The following SLCO6A1 variants were observed in gnomAD, a reference collection of about 807,000 sequenced individuals.
SLCO6A1 encodes solute carrier organic anion transporter family member 6A1.
Under a neutral mutation model 72.7 loss-of-function variants are expected in SLCO6A1, and 65 were observed. That is an observed-to-expected ratio of 0.89 (90% CI 0.73 to 1.10). The LOEUF (loss-of-function observed/expected upper bound fraction) is 1.10, where lower values mean the gene tolerates loss of function less well. SLCO6A1 is among the 50% of genes least tolerant of loss of function. The pLI, the probability that SLCO6A1 is intolerant of heterozygous loss-of-function variation, is 0.00. For missense variants in SLCO6A1, 874 were observed against 872.6 expected (o/e 1.00, Z -0.02); for synonymous variants, 314 against 298.2 (o/e 1.05, Z -0.55).
chr5:102,414,942 AATT>A (rs1748201452), intron 8 of SLCO6A1, among the ~76,000 whole-genome samples: 1 of 151,540 alleles, frequency 6.6e-6, no homozygotes, highest in Non-Finnish European at 1.5e-5. Context: ...TAAATAAATT[AATT>A]AATAAGGCAA....
Position 102,441,589 on chromosome 5 carries a change from T to G in SLCO6A1, c.1132-2828A>C, listed in dbSNP as rs1310249084. Among the ~76,000 whole-genome samples the G allele has an allele frequency of 3.3e-5, 5 of 152,100 alleles. No individual in the cohort carries two copies. In the East Asian group the frequency reaches 9.6e-4, roughly 29 times the overall value. On this transcript the variant is annotated intron_variant, in intron 6 of 13. Coordinates refer to ENST00000506729, the MANE Select transcript of SLCO6A1 (RefSeq NM_173488.5). ...TTCTCATTTTCTAAAAAAATAAAAT[T>G]TTTGCCATAGTATTGATTATACTTG... is the stretch of plus-strand genomic sequence containing the variant.
chr5:102,395,325 A>G (rs545236876), intron 10 of SLCO6A1, among the ~76,000 whole-genome samples: 2 of 152,220 alleles, frequency 1.3e-5, no homozygotes, highest in East Asian at 1.9e-4. Flanking sequence ...TTTGCTGAGA[A>G]TGATGGTTTC....
chr5:102,381,607 G>T (rs1034017243), intron 12 of SLCO6A1, among the ~76,000 whole-genome samples: 1 of 151,660 alleles, frequency 6.6e-6, no homozygotes. Flanking sequence ...TGAGATTGCT[G>T]GATCATGTGG....
At chr5:102,457,077 C>T (rs2112749298) in intron 6 of SLCO6A1, among the ~76,000 whole-genome samples, 1 of 152,204 alleles carries the variant, frequency 6.6e-6, no homozygotes, top group East Asian at 1.9e-4. Flanking sequence ...GGATCCCTTC[C>T]TTACACCTTA....
At position 102,437,075 on chromosome 5, in the gene SLCO6A1, C is replaced by T. The variant is rs184810253; in HGVS notation, c.1276+1542G>A. On this transcript the variant is annotated intron_variant, in intron 7 of 13. Transcript: ENST00000506729. Reference sequence around the variant, plus strand: ...GCTTCCTGGCAAGATTAGTGGTATGCTATTCATACACAGCCTTACTGAAGC... The same window carrying T: ...GCTTCCTGGCAAGATTAGTGGTATGTTATTCATACACAGCCTTACTGAAGC... Among the ~76,000 whole-genome samples the T allele has an allele frequency of 2.5e-3, 381 of 152,260 alleles. 3 individuals are homozygous for T. Among genetic ancestry groups the T allele is most frequent in the Non-Finnish European group, 3.5e-3 (238 of 68,006 alleles).
rs748142283 is a variant in SLCO6A1, at chr5:102,493,600, C to T, written c.358+4887G>A. On this transcript the variant is annotated intron_variant, in intron 1 of 13. Coordinates refer to ENST00000506729, the MANE Select transcript of SLCO6A1 (RefSeq NM_173488.5). ...ATCAGAAAAATATCAATGAACATTG[C>T]TTTTCCTAATTTCTATTGACCATTG... is the stretch of plus-strand genomic sequence containing the variant. Among the ~76,000 whole-genome samples the T allele has an allele frequency of 2.0e-4, 30 of 152,092 alleles. 1 individual carries two copies. Among genetic ancestry groups the T allele is most frequent in the Non-Finnish European group, 4.4e-5 (3 of 67,980 alleles).
intron 10 of SLCO6A1, among the ~76,000 whole-genome samples, chr5:102,394,869 G>GA (rs1459087153): frequency 1.3e-5 from 2 of 151,808 alleles, no homozygotes; most frequent in African/African-American, 2.4e-5. Context: ...ATAATTTTGG[G>GA]AAAAAATATA....
At chr5:102,397,002 C>T (rs748140313) in intron 10 of SLCO6A1, among the ~76,000 whole-genome samples, 36 of 152,276 alleles carry the variant, frequency 2.4e-4, no homozygotes, top group East Asian at 1.5e-3. Flanking sequence ...AGATTGCCTA[C>T]TCTCTTAATA....
intron 7 of SLCO6A1, among the ~76,000 whole-genome samples, chr5:102,428,241 A>G (rs1387543323): frequency 6.6e-6 from 1 of 152,080 alleles, no homozygotes; most frequent in Non-Finnish European, 1.5e-5. Flanking sequence ...AAAAAAAGAT[A>G]ATAAAAATAA....
At chr5:102,411,428 T>A (rs903392348) in intron 9 of SLCO6A1, among the ~76,000 whole-genome samples, 4 of 152,102 alleles carry the variant, frequency 2.6e-5, no homozygotes, top group Admixed American at 6.6e-5. Context: ...CCATGCACAG[T>A]TAATTTTTGT....
At chr5:102,394,464 G>A (rs1746950714) in intron 10 of SLCO6A1, among the ~76,000 whole-genome samples, 1 of 151,888 alleles carries the variant, frequency 6.6e-6, no homozygotes, top group African/African-American at 2.4e-5. Context: ...ATTTATTTCT[G>A]TAAGGTTACC....
At chr5:102,381,543 G>A (rs2112485960) in intron 12 of SLCO6A1, among the ~76,000 whole-genome samples, 1 of 151,810 alleles carries the variant, frequency 6.6e-6, no homozygotes, top group East Asian at 1.9e-4. Context: ...ACAAGGGAAT[G>A]CAGATATCTC....
chr5:102,402,040 C>G (rs1747424936), intron 9 of SLCO6A1, among the ~76,000 whole-genome samples: 2 of 151,920 alleles, frequency 1.3e-5, no homozygotes, highest in Non-Finnish European at 2.9e-5. Context: ...ACATTGGGCT[C>G]TAAAAGGGTT....
chr5:102,378,901 C>T (rs1241902615), intron 12 of SLCO6A1, among the ~76,000 whole-genome samples: 1 of 152,080 alleles, frequency 6.6e-6, no homozygotes, highest in Non-Finnish European at 1.5e-5. Context: ...CCTGCCTCAA[C>T]CTCCATTTAG....
intron 4 of SLCO6A1, among the ~76,000 whole-genome samples, chr5:102,466,004 G>A (rs1031281178): frequency 6.6e-6 from 1 of 151,982 alleles, no homozygotes; most frequent in African/African-American, 2.4e-5. Context: ...ATTTAGTATT[G>A]GGCTTCTCTT....
At chr5:102,398,270 C>T (rs182610617) in intron 10 of SLCO6A1, among the ~76,000 whole-genome samples, 3 of 152,054 alleles carry the variant, frequency 2.0e-5, no homozygotes, top group African/African-American at 2.4e-5. Flanking sequence ...GCCTCCGCCC[C>T]GAGTTCAAGC....
intron 11 of SLCO6A1, among the ~76,000 whole-genome samples, chr5:102,389,440 A>ACCCCCCC (rs1405717636): frequency 5.5e-4 from 29 of 52,896 alleles, no homozygotes; most frequent in South Asian, 8.1e-4. Flanking sequence ...ACAGTCACAC[A>ACCCCCCC]CCCCGCCCCC....
In SLCO6A1 at chr5:102,444,414, T is replaced by G. The variant is rs1168876036; in HGVS notation, c.1132-5653A>C. 3.9e-5 allele frequency among the ~76,000 whole-genome samples: 6 copies of G among 152,274 alleles called. No homozygotes were observed. The East Asian group carries it at 1.2e-3, about 29-fold the overall frequency. ...GACCTTTCCCTAGAGACAAAAAGGA[T>G]GAAAACATAAGTTAAAGAGGAGACC... On this transcript the variant is annotated intron_variant, in intron 6 of 13. Coordinates refer to ENST00000506729, the MANE Select transcript of SLCO6A1 (RefSeq NM_173488.5).
rs75273151 is a variant in SLCO6A1 at position 102,483,721 on chromosome 5, C to A, written c.359-3287G>T. ...CAATTCAATGTCTTCAAGCAAGGAA[C>A]TGTTTCTCTTCAGATATAAGAGGAC... On this transcript the variant is annotated intron_variant, in intron 1 of 13. Transcript: ENST00000506729. Among the ~76,000 whole-genome samples, 121 of 152,308 alleles carry A rather than the reference C, an allele frequency of 7.9e-4. 3 individuals are homozygous for A. In the East Asian group the frequency reaches 0.022, roughly 27 times the overall value.
Sources: allele counts gnomAD v4.1 joint callset (sites outside exome capture counted in the v4.1 genomes callset), GRCh38; gene constraint gnomAD v4.1.1; transcripts MANE v1.5; gene names NCBI Gene and HGNC (gene_info 2026-07-23, HGNC 2026-07-21).